The following DOK5 variants were observed in gnomAD, a reference collection of about 807,000 sequenced individuals.
The protein encoded by DOK5 is downstream of tyrosine kinase 5.
A neutral mutation model predicts 43.3 loss-of-function variants in DOK5; 27 were observed. The observed-to-expected ratio is 0.62, with a 90% CI of 0.46 to 0.86. The LOEUF (loss-of-function observed/expected upper bound fraction) is 0.86, where lower values mean the gene tolerates loss of function less well. DOK5 is among the 40% of genes least tolerant of loss of function. The pLI is 0.00. For synonymous variants in DOK5, 146 were observed against 140.1 expected (o/e 1.04, Z -0.30); for missense variants, 373 against 392.9 (o/e 0.95, Z 0.43).
chr20:54,603,474 C>T (rs949951653), intron 5 of DOK5, among the ~76,000 whole-genome samples: 3 of 152,218 alleles, frequency 2.0e-5, no homozygotes, highest in Non-Finnish European at 2.9e-5. Context: ...TCCCTAAACT[C>T]GGACACTGCC....
chr20:54,550,443 A>T (rs1318029708), intron 1 of DOK5, among the ~76,000 whole-genome samples: 2 of 152,188 alleles, frequency 1.3e-5, no homozygotes, highest in African/African-American at 4.8e-5. Context: ...ATTGACATTG[A>T]TATTGATGTA....
intron 6 of DOK5, among the ~76,000 whole-genome samples, chr20:54,631,977 AAAAC>A (rs1160803001): frequency 1.3e-5 from 2 of 152,194 alleles, no homozygotes; most frequent in African/African-American, 4.8e-5. Context: ...TCTCAAAAAC[AAAAC>A]AAAACAACAA....
chr20:54,619,372 C>A (rs550994510), intron 6 of DOK5, among the ~76,000 whole-genome samples: 62 of 152,088 alleles, frequency 4.1e-4, no homozygotes, highest in African/African-American at 1.5e-3. Flanking sequence ...GCAGCTATAG[C>A]TATTTTTGCC....
rs1229559997 is a variant in DOK5, at chr20:54,496,159, CTAA to C, written c.66+20150_66+20152del. On this transcript the variant is annotated intron_variant, in intron 1 of 7. Coordinates refer to ENST00000262593, the MANE Select transcript of DOK5 (RefSeq NM_018431.5). ...AAGACCTTTTGTTAGACTAATTGCT[CTAA>C]TATTAACTCAAGAATGGGTCAACTT... Among the ~76,000 whole-genome samples, 19 of 152,278 alleles carry C rather than the reference CTAA, an allele frequency of 1.2e-4. No homozygotes were observed. The East Asian group carries it at 2.1e-3, about 17-fold the overall frequency.
intron 6 of DOK5, among the ~76,000 whole-genome samples, chr20:54,640,099 C>T (rs1979032950): frequency 6.6e-6 from 1 of 152,022 alleles, no homozygotes; most frequent in African/African-American, 2.4e-5. Context: ...ACCAGTGAAG[C>T]CAACAGGCAG....
chr20:54,493,834 G>A (rs1982288852), intron 1 of DOK5, among the ~76,000 whole-genome samples: 1 of 151,984 alleles, frequency 6.6e-6, no homozygotes, highest in Non-Finnish European at 1.5e-5. Context: ...AACTACTCAG[G>A]AGGCTGAGGT....
intron 6 of DOK5, among the ~76,000 whole-genome samples, chr20:54,630,893 A>G (rs1287972850): frequency 6.6e-6 from 1 of 152,238 alleles, no homozygotes; most frequent in Non-Finnish European, 1.5e-5. Flanking sequence ...GGTTATCAGA[A>G]CAGTCTTCAA....
intron 6 of DOK5, among the ~76,000 whole-genome samples, chr20:54,636,831 C>G (rs1978845547): frequency 6.6e-6 from 1 of 152,150 alleles, no homozygotes; most frequent in Non-Finnish European, 1.5e-5. Context: ...AAACGAACTC[C>G]CAAGATAATG....
intron 2 of DOK5, among the ~76,000 whole-genome samples, chr20:54,567,728 G>A (rs890401090): frequency 6.6e-6 from 1 of 152,024 alleles, no homozygotes. Context: ...AATCCTTGTT[G>A]GGATTTTGAG....
At chr20:54,534,767 A>G (rs1983895283) in intron 1 of DOK5, among the ~76,000 whole-genome samples, 1 of 152,016 alleles carries the variant, frequency 6.6e-6, no homozygotes, top group Non-Finnish European at 1.5e-5. Context: ...AACACCTTGC[A>G]GATGCTGTCC....
chr20:54,479,014 G>T (rs959628060), intron 1 of DOK5, among the ~76,000 whole-genome samples: 1 of 151,592 alleles, frequency 6.6e-6, no homozygotes, highest in African/African-American at 2.4e-5. Flanking sequence ...TTTATACATA[G>T]GAATAAATAT....
At chr20:54,607,879 T>A (rs1009467231) in intron 5 of DOK5, among the ~76,000 whole-genome samples, 62 of 118,700 alleles carry the variant, frequency 5.2e-4, no homozygotes, top group Admixed American at 4.9e-4. Context: ...CGAGACTCCA[T>A]CTAAAACAAA....
At chr20:54,534,598 A>C (rs1331913603) in intron 1 of DOK5, among the ~76,000 whole-genome samples, 1 of 152,212 alleles carries the variant, frequency 6.6e-6, no homozygotes, top group African/African-American at 2.4e-5. Flanking sequence ...CTTAGCTCAC[A>C]CAGTTTGGGT....
Position 54,494,258 on chromosome 20 carries a change from G to A in DOK5, c.66+18246G>A, listed in dbSNP as rs972812250. ...TCAGTGGACCTTCTGGGAAGGAGCTGGATGTTCTACACTTTTACCGATTTC... is the reference window on the plus strand; with the variant it reads ...TCAGTGGACCTTCTGGGAAGGAGCTAGATGTTCTACACTTTTACCGATTTC... On this transcript the variant is annotated intron_variant, in intron 1 of 7. Transcript: ENST00000262593. Among the ~76,000 whole-genome samples the A allele has an allele frequency of 3.9e-5, 6 of 152,330 alleles. No homozygotes were observed. In the East Asian group the frequency reaches 9.6e-4, roughly 24 times the overall value.
intron 2 of DOK5, among the ~76,000 whole-genome samples, chr20:54,563,561 T>C (rs944105228): frequency 1.3e-5 from 2 of 152,126 alleles, no homozygotes; most frequent in Non-Finnish European, 2.9e-5. Flanking sequence ...CTCTGTGCCC[T>C]TCCCCATAAA....
chr20:54,566,876 C>T (rs986179026), intron 2 of DOK5, among the ~76,000 whole-genome samples: 3 of 152,136 alleles, frequency 2.0e-5, no homozygotes, highest in Non-Finnish European at 2.9e-5. Flanking sequence ...CTCAGCCTCC[C>T]GAAGCACTGG....
intron 5 of DOK5, among the ~76,000 whole-genome samples, chr20:54,605,036 CACACACACACGTAT>C (rs1204104832): frequency 0.011 from 1,625 of 147,340 alleles, 44 homozygotes; most frequent in African/African-American, 0.04. Context: ...CACACACACA[CACACACACACGTAT>C]ACACACACAC....
At chr20:54,499,471 G>C (rs1242855331) in intron 1 of DOK5, among the ~76,000 whole-genome samples, 1 of 152,170 alleles carries the variant, frequency 6.6e-6, no homozygotes, top group Admixed American at 6.5e-5. Flanking sequence ...CAGAATGCTG[G>C]ATGGATGAGG....
chr20:54,513,894 G>GT (rs1285390623), intron 1 of DOK5, among the ~76,000 whole-genome samples: 1 of 152,132 alleles, frequency 6.6e-6, no homozygotes, highest in Non-Finnish European at 1.5e-5. Context: ...ATTTTGTAAA[G>GT]TTTTTTTGAA....
Sources: gnomAD v4.1 joint callset for allele counts (sites outside exome capture counted in the v4.1 genomes callset) on GRCh38, gnomAD v4.1.1 for gene constraint, MANE v1.5 for transcripts, NCBI Gene and HGNC (gene_info 2026-07-23, HGNC 2026-07-21) for gene names.